The following HDAC9 variants were observed in gnomAD, a reference collection of about 807,000 sequenced individuals.
The protein encoded by HDAC9 is histone deacetylase 9.
Under a neutral mutation model 139.4 loss-of-function variants are expected in HDAC9, and 41 were observed. The ratio of observed to expected loss-of-function variants is 0.29; its 90% CI spans 0.23 to 0.38. The LOEUF (loss-of-function observed/expected upper bound fraction) is 0.38, where lower values mean the gene tolerates loss of function less well. HDAC9 is among the 10% of genes least tolerant of loss of function. The pLI, the probability that HDAC9 is intolerant of heterozygous loss-of-function variation, is 1.00. For missense variants in HDAC9, 1,147 were observed against 1,297.0 expected (o/e 0.88, Z 1.78); for synonymous variants, 517 against 476.2 (o/e 1.09, Z -1.12).
intron 2 of HDAC9, among the ~76,000 whole-genome samples, chr7:18,210,854 G>T (rs1308267581): frequency 6.6e-6 from 1 of 152,146 alleles, no homozygotes; most frequent in Non-Finnish European, 1.5e-5. Flanking sequence ...CAGTCCGGAG[G>T]AGAAGAAACT....
chr7:18,138,242 C>A (rs1009258141), intron 1 of HDAC9, among the ~76,000 whole-genome samples: 3 of 151,750 alleles, frequency 2.0e-5, no homozygotes, highest in Non-Finnish European at 2.9e-5. Context: ...TTTGTTGATC[C>A]TTTCAAAAAA....
At chr7:18,570,480 A>G (rs577215549) in intron 2 of HDAC9, among the ~76,000 whole-genome samples, 11 of 152,354 alleles carry the variant, frequency 7.2e-5, no homozygotes, top group African/African-American at 2.6e-4. Context: ...TTTAACAAAA[A>G]CTTTTCAGTC....
At chr7:18,322,802 A>G (rs577351903) in intron 1 of HDAC9, among the ~76,000 whole-genome samples, 2 of 152,290 alleles carry the variant, frequency 1.3e-5, no homozygotes, top group South Asian at 4.1e-4. Context: ...GTTAGTTTCA[A>G]GATGAAGAAA....
At chr7:18,282,007 A>T (rs974321808) in intron 2 of HDAC9, among the ~76,000 whole-genome samples, 4 of 152,186 alleles carry the variant, frequency 2.6e-5, no homozygotes, top group Non-Finnish European at 5.9e-5. Context: ...AGGATTATGG[A>T]TCTTAAAAGG....
At chr7:18,337,335 G>A (rs549410992) in intron 1 of HDAC9, among the ~76,000 whole-genome samples, 2 of 151,714 alleles carry the variant, frequency 1.3e-5, no homozygotes, top group South Asian at 4.1e-4. Context: ...CTTTGAGTTA[G>A]CCTCTGTTCA....
In HDAC9 at chr7:18,996,597, AG is replaced by A. The variant is rs1253767656; in HGVS notation, c.*538del. The A allele has an allele frequency of 6.5e-6, 1 of 152,704 alleles. No individual in the cohort carries two copies. The highest frequency in any genetic ancestry group is 2.4e-5 in the African/African-American group (1 of 41,368). The allele number at this position is 152,704 out of a possible 1,614,324, so 9.5% of individuals were successfully genotyped here. A position where few individuals can be genotyped will look rare whatever the true frequency, so the allele number is the denominator to read the frequency against. On this transcript the variant is annotated 3_prime_UTR_variant, in exon 26 of 26. Coordinates refer to ENST00000686413, the MANE Select transcript of HDAC9 (RefSeq NM_178425.4). Reference sequence around the variant, plus strand: ...TCTTGTTTGTTTGTTTTGTTTTGTTAGGGTTTTTTTCTCAACTTTAACACAC... The same window carrying A: ...TCTTGTTTGTTTGTTTTGTTTTGTTAGGTTTTTTTCTCAACTTTAACACAC...
At chr7:18,801,447 G>A (rs1456348518) in intron 17 of HDAC9, among the ~76,000 whole-genome samples, 1 of 151,822 alleles carries the variant, frequency 6.6e-6, no homozygotes, top group Non-Finnish European at 1.5e-5. Flanking sequence ...ATCTACCTTG[G>A]TTATGATTTA....
At chr7:18,778,668 C>T (rs1790984691) in intron 16 of HDAC9, among the ~76,000 whole-genome samples, 1 of 152,026 alleles carries the variant, frequency 6.6e-6, no homozygotes, top group South Asian at 2.1e-4. Context: ...CTTTACTGGT[C>T]TTTACTGGCC....
rs908004423 is a variant in HDAC9, at chr7:18,260,082, A to G, written c.25+97733A>G. ...AGGTGTGTGTACTCAGAAGATGGTC[A>G]TTAAGTATTTAAATGAAGAATGAAT... On this transcript the variant is annotated intron_variant, in intron 2 of 12. Transcript: ENST00000417496. Among the ~76,000 whole-genome samples the G allele has an allele frequency of 2.6e-5, 4 of 152,148 alleles. No homozygotes were observed. The South Asian group carries it at 8.3e-4, about 32-fold the overall frequency.
At chr7:18,240,386 T>G (rs1433092363) in intron 2 of HDAC9, among the ~76,000 whole-genome samples, 1 of 152,184 alleles carries the variant, frequency 6.6e-6, no homozygotes, top group Non-Finnish European at 1.5e-5. Flanking sequence ...AGTACCTTCC[T>G]TGTATTGGAA....
At chr7:18,204,878 G>C (rs1342643889) in intron 2 of HDAC9, among the ~76,000 whole-genome samples, 1 of 151,744 alleles carries the variant, frequency 6.6e-6, no homozygotes, top group African/African-American at 2.4e-5. Context: ...TAGTGTTAAA[G>C]CTCAAACTGT....
At chr7:18,637,336 G>A (rs1286182499) in intron 8 of HDAC9, among the ~76,000 whole-genome samples, 3 of 152,004 alleles carry the variant, frequency 2.0e-5, no homozygotes, top group African/African-American at 4.8e-5. Context: ...GGAACAACCA[G>A]TAAGTATACA....
intron 1 of HDAC9, among the ~76,000 whole-genome samples, chr7:18,463,165 T>G (rs1369223436): frequency 6.6e-6 from 1 of 152,034 alleles, no homozygotes; most frequent in African/African-American, 2.4e-5. Context: ...TTACATTTGT[T>G]TAGGATTTTA....
intron 13 of HDAC9, among the ~76,000 whole-genome samples, chr7:18,744,475 T>C (rs978908271): frequency 6.6e-6 from 1 of 152,184 alleles, no homozygotes; most frequent in African/African-American, 2.4e-5. Flanking sequence ...AAGTGTTGTT[T>C]AGCAAACACC....
intron 1 of HDAC9, among the ~76,000 whole-genome samples, chr7:18,382,421 A>G (rs182855246): frequency 6.6e-6 from 1 of 152,366 alleles, no homozygotes; most frequent in East Asian, 1.9e-4. Context: ...TATGAAGGGA[A>G]TATTGCCATT....
At chr7:18,596,430 C>T (rs1210495580) in intron 6 of HDAC9, among the ~76,000 whole-genome samples, 1 of 152,024 alleles carries the variant, frequency 6.6e-6, no homozygotes. Context: ...TTTCCAATTC[C>T]ATTATGAGAA....
At chr7:18,528,068 A>G (rs1428424327) in intron 2 of HDAC9, among the ~76,000 whole-genome samples, 5 of 152,066 alleles carry the variant, frequency 3.3e-5, no homozygotes, top group Admixed American at 3.3e-4. Context: ...AGGCAGTAGG[A>G]TCACTTGAAC....
At chr7:18,758,592 G>A (rs1408200407) in intron 14 of HDAC9, among the ~76,000 whole-genome samples, 1 of 151,972 alleles carries the variant, frequency 6.6e-6, no homozygotes, top group Non-Finnish European at 1.5e-5. Flanking sequence ...AAAGTTGAAT[G>A]TGACAAATTT....
intron 2 of HDAC9, among the ~76,000 whole-genome samples, chr7:18,253,373 G>A (rs1795044948): frequency 6.6e-6 from 1 of 151,374 alleles, no homozygotes; most frequent in Non-Finnish European, 1.5e-5. Context: ...CCTACCAATA[G>A]TGTTTAAGCA....
Sources: allele counts gnomAD v4.1 joint callset (sites outside exome capture counted in the v4.1 genomes callset), GRCh38; gene constraint gnomAD v4.1.1; transcripts MANE v1.5; gene names NCBI Gene and HGNC (gene_info 2026-07-23, HGNC 2026-07-21).